Variants in ZNF75D observed in about 807,000 individuals in gnomAD.
ZNF75D encodes zinc finger protein 75.
In ZNF75D, 33 loss-of-function variants were observed where a neutral mutation model predicts 33.3. The observed-to-expected ratio is 0.99, with a 90% CI of 0.75 to 1.32. ZNF75D has a LOEUF of 1.32. Ranked by LOEUF, ZNF75D falls within the 40% of genes most tolerant of loss-of-function variation. ZNF75D has a pLI of 0.00. For synonymous variants in ZNF75D, 113 were observed against 130.6 expected, an observed-to-expected ratio of 0.87 and a Z score of 0.92; for missense variants, 338 against 367.5, an observed-to-expected ratio of 0.92 and a Z score of 0.66.
At chrX:135,322,385 T>C (rs1459554228) in intron 1 of ZNF75D, among the ~76,000 whole-genome samples, 15 of 112,155 alleles carry the variant, frequency 1.3e-4, no homozygotes, top group African/African-American at 4.9e-4. Flanking sequence ...CCTTTCAACC[T>C]TGACATCAAA....
intron 1 of ZNF75D, among the ~76,000 whole-genome samples, chrX:135,269,449 T>A (rs1365975625): frequency 8.9e-6 from 1 of 112,143 alleles, no homozygotes; most frequent in Non-Finnish European, 1.9e-5. Flanking sequence ...AAGATCTGAA[T>A]AGACATTTCT....
intron 1 of ZNF75D, among the ~76,000 whole-genome samples, chrX:135,259,977 T>G (rs1222334158): frequency 8.9e-6 from 1 of 112,180 alleles, no homozygotes; most frequent in Non-Finnish European, 1.9e-5. Flanking sequence ...CATCAGTACC[T>G]AGTTTATTGA....
intron 1 of ZNF75D, chrX:135,298,440 A>G (rs1193816518): frequency 9.0e-6 from 1 of 110,664 alleles, no homozygotes; most frequent in African/African-American, 3.3e-5. Flanking sequence ...GCCGAAGGAG[A>G]TGCAACAAGT....
chrX:135,333,907 A>G (rs1240554128), intron 1 of ZNF75D, among the ~76,000 whole-genome samples: 2 of 112,027 alleles, frequency 1.8e-5, no homozygotes, highest in Non-Finnish European at 3.8e-5. Flanking sequence ...GAGGTACCCC[A>G]GTGAATCCCC....
chrX:135,287,849 GT>G lies in ZNF75D; in HGVS notation c.824-4del, dbSNP rs782164732. ...AGTGTCATTTTTTAGCTTTAACCCT[GT>G]TAGAATAAACAGAATAATCAGCCAT... On this transcript the variant is annotated splice_polypyrimidine_tract_variant and splice_region_variant and intron_variant, in intron 6 of 6. Transcript: ENST00000370766. 1.3e-5 allele frequency: 15 copies of G among 1,169,706 alleles called. No homozygotes were observed. The African/African-American group carries it at 2.5e-4, about 19-fold the overall frequency.
chrX:135,323,546 T>C (rs1556435800), intron 1 of ZNF75D, among the ~76,000 whole-genome samples: 1 of 111,862 alleles, frequency 8.9e-6, no homozygotes, highest in Non-Finnish European at 1.9e-5. Flanking sequence ...CATTATTCTT[T>C]CCATTGAGTT....
intron 1 of ZNF75D, among the ~76,000 whole-genome samples, chrX:135,320,366 A>G (rs1251646924): frequency 9.0e-6 from 1 of 111,433 alleles, no homozygotes; most frequent in Non-Finnish European, 1.9e-5. Flanking sequence ...TGGCCTTTAG[A>G]GCAGAATATC....
At chrX:135,270,964 T>C (rs1321920306) in intron 1 of ZNF75D, among the ~76,000 whole-genome samples, 1 of 112,389 alleles carries the variant, frequency 8.9e-6, no homozygotes, top group East Asian at 2.8e-4. Flanking sequence ...TGAATCATTT[T>C]TTGGATATAA....
Position 135,287,590 on chromosome X carries a change from T to G in ZNF75D, c.1080A>C (p.Thr360=), listed in dbSNP as rs1481820588. Reference sequence around the variant, plus strand: ...CCTGACACTTAAAAGGTTTCTCCCCTGTGGGGCCTTTCCCATGAAGATCCA... The same window carrying G: ...CCTGACACTTAAAAGGTTTCTCCCCGGTGGGGCCTTTCCCATGAAGATCCA... ...KLMDLHGKGP[T]GEKPFKCQEC... is the part of the protein sequence containing the mutation. Residue 360 remains threonine, a synonymous_variant, in exon 7 of 7, where the codon ACA becomes ACC. Coordinates refer to ENST00000370766, the MANE Select transcript of ZNF75D (RefSeq NM_007131.5). 3 of 1,210,179 alleles carry G rather than the reference T, an allele frequency of 2.5e-6. No homozygotes were observed. Among genetic ancestry groups the G allele is most frequent in the Non-Finnish European group, 3.4e-6 (3 of 895,185 alleles).
intron 1 of ZNF75D, among the ~76,000 whole-genome samples, chrX:135,260,718 A>G (rs1602582415): frequency 9.0e-6 from 1 of 111,678 alleles, no homozygotes; most frequent in African/African-American, 3.3e-5. Flanking sequence ...CTAGCGGTCT[A>G]TCAATTTTGT....
At chrX:135,307,815 C>T (rs1440082638) in intron 1 of ZNF75D, among the ~76,000 whole-genome samples, 1 of 112,359 alleles carries the variant, frequency 8.9e-6, no homozygotes, top group Non-Finnish European at 1.9e-5. Flanking sequence ...GGAGTAATTG[C>T]AGAGTCATGA....
chrX:135,293,826 GGTC>G lies in ZNF75D; in HGVS notation c.312_314del (p.Glu104_Thr105delinsAsp). On this transcript the variant is annotated inframe_deletion, in exon 3 of 7. Coordinates refer to ENST00000370766, the MANE Select transcript of ZNF75D (RefSeq NM_007131.5). ...GATGATGCTTCTGCACCCAGTTCTGGGTCTCCTTGGGCAGAATGCTCAGGAACT... is the reference window on the plus strand; with the variant it reads ...GATGATGCTTCTGCACCCAGTTCTGGTCCTTGGGCAGAATGCTCAGGAACT... 8.3e-7 allele frequency: 1 copy of G among 1,210,114 alleles called. No homozygotes were observed. The highest frequency in any genetic ancestry group is 1.1e-6 in the Non-Finnish European group (1 of 894,186).
chrX:135,257,773 C>G (rs191224594), intron 1 of ZNF75D, among the ~76,000 whole-genome samples: 146 of 112,210 alleles, frequency 1.3e-3, no homozygotes, highest in African/African-American at 4.3e-3. Context: ...GAGGGGAGGT[C>G]TCCGCATGGC....
chrX:135,300,913 T>C (rs782227488), intron 1 of ZNF75D, among the ~76,000 whole-genome samples: 2 of 111,790 alleles, frequency 1.8e-5, no homozygotes, highest in African/African-American at 3.3e-5. Context: ...CTGAACCATA[T>C]GCATGCTTGG....
chrX:135,276,100 C>T lies in ZNF75D; in HGVS notation n.828-20323G>A, dbSNP rs191465602. On this transcript the variant is annotated intron_variant and non_coding_transcript_variant, in intron 1 of 3. Coordinates refer to the ZNF75D transcript ENST00000494295. ...CATTCAGACTCTGGCTTCTCTCTCT[C>T]TCTGTGCAAATTGGTTAAATGAATG... 2.5e-3 allele frequency among the ~76,000 whole-genome samples: 275 copies of T among 111,774 alleles called. 1 individual carries two copies. Among genetic ancestry groups the T allele is most frequent in the African/African-American group, 8.0e-3 (245 of 30,786 alleles).
chrX:135,330,809 A>C (rs1425885178), intron 1 of ZNF75D: 1 of 112,399 alleles, frequency 8.9e-6, no homozygotes, highest in Non-Finnish European at 1.9e-5. Flanking sequence ...CTTGAGTTAC[A>C]CTGGACAGGG....
chrX:135,264,779 A>T (rs2083856472), intron 1 of ZNF75D, among the ~76,000 whole-genome samples: 1 of 111,158 alleles, frequency 9.0e-6, no homozygotes, highest in Non-Finnish European at 1.9e-5. Context: ...TAATAGCAGA[A>T]TTTATCAAGC....
chrX:135,303,459 T>C (rs1233163709), intron 1 of ZNF75D, among the ~76,000 whole-genome samples: 1 of 112,151 alleles, frequency 8.9e-6, no homozygotes, highest in Non-Finnish European at 1.9e-5. Context: ...TGGTGATGAC[T>C]CTTAAGGAGC....
chrX:135,270,352 CATATATATATATATATATATATATAT>C (rs530211370), intron 1 of ZNF75D, among the ~76,000 whole-genome samples: 7 of 63,504 alleles, frequency 1.1e-4, no homozygotes, highest in Non-Finnish European at 1.9e-4. Flanking sequence ...CAAAATATCT[CATATATATATATATATATATATATAT>C]ATATATATAT....
Sources: gnomAD v4.1 joint callset for allele counts (sites outside exome capture counted in the v4.1 genomes callset) on GRCh38, gnomAD v4.1.1 for gene constraint, MANE v1.5 for transcripts, NCBI Gene and HGNC (gene_info 2026-07-23, HGNC 2026-07-21) for gene names.